The following FCHSD2 variants were observed in gnomAD, a reference collection of about 807,000 sequenced individuals.
FCHSD2 encodes the protein FCH and double SH3 domains 2.
Under a neutral mutation model 108.1 loss-of-function variants are expected in FCHSD2, and 38 were observed. That is an observed-to-expected ratio of 0.35 (90% CI 0.27 to 0.46). The LOEUF is 0.46. Among genes scored for constraint, FCHSD2 ranks in the 20% least tolerant of loss-of-function variants. The pLI, the probability that FCHSD2 is intolerant of heterozygous loss-of-function variation, is 1.00. For missense variants in FCHSD2, 751 were observed against 897.8 expected (o/e 0.84, Z 2.09); for synonymous variants, 279 against 314.7 (o/e 0.89, Z 1.20).
chr11:72,984,537 G>A (rs977546358), intron 7 of FCHSD2, among the ~76,000 whole-genome samples: 6 of 152,114 alleles, frequency 3.9e-5, no homozygotes, highest in Non-Finnish European at 8.8e-5. Flanking sequence ...ATCTTCAAAG[G>A]TATGGGTAAA....
chr11:73,136,766 A>G (rs1213157566), intron 2 of FCHSD2, among the ~76,000 whole-genome samples: 2 of 152,182 alleles, frequency 1.3e-5, no homozygotes, highest in Admixed American at 6.5e-5. Flanking sequence ...GCAGTGGCTC[A>G]TGCCTGTAAT....
intron 3 of FCHSD2, among the ~76,000 whole-genome samples, chr11:73,022,882 G>C (rs1024756917): frequency 4.6e-5 from 7 of 152,106 alleles, no homozygotes; most frequent in Admixed American, 4.6e-4. Context: ...CCCAGAAATA[G>C]ACCCATACAA....
intron 14 of FCHSD2, among the ~76,000 whole-genome samples, chr11:72,846,077 T>C (rs1167815797): frequency 6.3e-4 from 2 of 3,188 alleles, no homozygotes; most frequent in African/African-American, 6.9e-4. Flanking sequence ...GATAGATAGA[T>C]AGATAGATAG....
intron 3 of FCHSD2, among the ~76,000 whole-genome samples, chr11:73,021,314 C>T (rs1858098448): frequency 1.3e-5 from 2 of 150,768 alleles, no homozygotes; most frequent in South Asian, 2.1e-4. Flanking sequence ...ACCTAAATGG[C>T]CATCAATGGT....
At chr11:72,920,511 G>A (rs1407355365) in intron 9 of FCHSD2, among the ~76,000 whole-genome samples, 3 of 152,092 alleles carry the variant, frequency 2.0e-5, no homozygotes, top group East Asian at 1.9e-4. Context: ...GAGGCAAGGC[G>A]GGTGGACCAC....
At chr11:72,907,603 T>TTG (rs1193733611) in intron 9 of FCHSD2, among the ~76,000 whole-genome samples, 1 of 143,590 alleles carries the variant, frequency 7.0e-6, no homozygotes, top group Admixed American at 6.9e-5. Flanking sequence ...ACGTGGGTTT[T>TTG]TTTTTTTTTT....
chr11:73,014,424 T>C (rs1222028665), intron 4 of FCHSD2, among the ~76,000 whole-genome samples: 1 of 152,100 alleles, frequency 6.6e-6, no homozygotes, highest in Non-Finnish European at 1.5e-5. Flanking sequence ...GAAAATCTAT[T>C]AATATTTTTA....
At chr11:73,131,501 C>T (rs1319578898) in intron 2 of FCHSD2, among the ~76,000 whole-genome samples, 1 of 151,756 alleles carries the variant, frequency 6.6e-6, no homozygotes, top group Non-Finnish European at 1.5e-5. Flanking sequence ...TGCACTCCAG[C>T]CTGGGTGACA....
chr11:73,109,106 T>C (rs1591560304), intron 2 of FCHSD2, among the ~76,000 whole-genome samples: 2 of 152,246 alleles, frequency 1.3e-5, no homozygotes, highest in East Asian at 3.8e-4. Context: ...TCTGTTTTTA[T>C]GCCAGTACCA....
Position 73,060,040 on chromosome 11 carries a change from T to C in FCHSD2, c.165+23655A>G, listed in dbSNP as rs72982894. Reference sequence around the variant, plus strand: ...CGTATACCTCCTATCCTTACTAAAATGTTCTTTTTAAAAGCAGGTAGGATA... The same window carrying C: ...CGTATACCTCCTATCCTTACTAAAACGTTCTTTTTAAAAGCAGGTAGGATA... On this transcript the variant is annotated intron_variant, in intron 3 of 19. Coordinates refer to ENST00000409418, the MANE Select transcript of FCHSD2 (RefSeq NM_014824.3). Among the ~76,000 whole-genome samples, 1,186 of 152,328 alleles carry C rather than the reference T, an allele frequency of 7.8e-3. 13 individuals carry two copies. The highest frequency in any genetic ancestry group is 0.027 in the African/African-American group (1,125 of 41,574).
intron 3 of FCHSD2, among the ~76,000 whole-genome samples, chr11:73,036,043 C>T (rs1313245876): frequency 6.6e-6 from 1 of 152,018 alleles, no homozygotes; most frequent in Non-Finnish European, 1.5e-5. Context: ...GTTGTTAAAA[C>T]AAGAATGATC....
chr11:73,041,689 A>C (rs1858643192), intron 3 of FCHSD2, among the ~76,000 whole-genome samples: 2 of 152,116 alleles, frequency 1.3e-5, no homozygotes, highest in Non-Finnish European at 2.9e-5. Flanking sequence ...CCCATTCTAC[A>C]GGTTGTCTCT....
intron 3 of FCHSD2, among the ~76,000 whole-genome samples, chr11:73,076,707 T>C (rs1270268765): frequency 1.3e-5 from 2 of 152,212 alleles, no homozygotes; most frequent in African/African-American, 4.8e-5. Context: ...AAAGTATACA[T>C]AAAAGTATTT....
intron 3 of FCHSD2, among the ~76,000 whole-genome samples, chr11:73,053,505 A>G (rs1207122256): frequency 6.6e-6 from 1 of 152,216 alleles, no homozygotes; most frequent in African/African-American, 2.4e-5. Flanking sequence ...TCACAGCAAC[A>G]TATTTTTAAA....
chr11:72,944,130 C>T (rs983168097), intron 8 of FCHSD2, among the ~76,000 whole-genome samples: 2 of 152,152 alleles, frequency 1.3e-5, no homozygotes, highest in African/African-American at 2.4e-5. Flanking sequence ...CCCTGATGAA[C>T]ATCGATGCAA....
At chr11:73,096,885 A>T (rs568129260) in intron 2 of FCHSD2, among the ~76,000 whole-genome samples, 61 of 149,802 alleles carry the variant, frequency 4.1e-4, no homozygotes, top group Non-Finnish European at 8.4e-4. Flanking sequence ...TCTTTTTATC[A>T]TGAAAGAGTG....
intron 13 of FCHSD2, among the ~76,000 whole-genome samples, chr11:72,850,247 T>C (rs1203765300): frequency 6.6e-6 from 1 of 151,888 alleles, no homozygotes; most frequent in Non-Finnish European, 1.5e-5. Flanking sequence ...GTATTTTTAG[T>C]AGAGATGGGG....
intron 2 of FCHSD2, among the ~76,000 whole-genome samples, chr11:73,136,922 G>A (rs1044209878): frequency 5.3e-5 from 8 of 152,070 alleles, no homozygotes; most frequent in Non-Finnish European, 1.0e-4. Context: ...CAGCTACTAG[G>A]GAGGCTGAGG....
chr11:72,980,005 G>A (rs547851905), intron 8 of FCHSD2, among the ~76,000 whole-genome samples: 50 of 152,292 alleles, frequency 3.3e-4, no homozygotes, highest in African/African-American at 1.2e-3. Context: ...GAAGGCAGGA[G>A]GGGATGAGAT....
Sources: gnomAD v4.1 joint callset for allele counts (sites outside exome capture counted in the v4.1 genomes callset) on GRCh38, gnomAD v4.1.1 for gene constraint, MANE v1.5 for transcripts, NCBI Gene and HGNC (gene_info 2026-07-23, HGNC 2026-07-21) for gene names.